The following SLC7A1 variants were observed in gnomAD, a reference collection of about 807,000 sequenced individuals.
SLC7A1 encodes the protein high affinity cationic amino acid transporter 1.
In SLC7A1, 10 loss-of-function variants were observed where a neutral mutation model predicts 53.9. The ratio of observed to expected loss-of-function variants is 0.19; its 90% CI spans 0.11 to 0.31. SLC7A1 has a LOEUF of 0.31. SLC7A1 is among the 10% of genes least tolerant of loss of function. The pLI is 1.00. For synonymous variants in SLC7A1, 342 were observed against 338.7 expected, an observed-to-expected ratio of 1.01 and a Z score of -0.11; for missense variants, 525 against 827.2, an observed-to-expected ratio of 0.63 and a Z score of 4.48.
At chr13:29,594,091 T>C (rs577545479) in intron 1 of SLC7A1, among the ~76,000 whole-genome samples, 2 of 152,324 alleles carry the variant, frequency 1.3e-5, no homozygotes, top group East Asian at 1.9e-4. Flanking sequence ...TGAGATCAAC[T>C]AAAAATACCA....
chr13:29,584,167 G>A (rs1871776261), intron 1 of SLC7A1, among the ~76,000 whole-genome samples: 1 of 150,350 alleles, frequency 6.7e-6, no homozygotes, highest in African/African-American at 2.4e-5. Flanking sequence ...AGGCTGGAGT[G>A]CAATGGCACG....
At chr13:29,594,593 A>G (rs1439442728) in intron 1 of SLC7A1, among the ~76,000 whole-genome samples, 1 of 152,210 alleles carries the variant, frequency 6.6e-6, no homozygotes, top group Non-Finnish European at 1.5e-5. Context: ...GAAGTTTTCT[A>G]CTACGCAGAA....
intron 8 of SLC7A1, among the ~76,000 whole-genome samples, chr13:29,520,291 A>T (rs1868574890): frequency 6.6e-6 from 1 of 152,034 alleles, no homozygotes; most frequent in African/African-American, 2.4e-5. Context: ...AGCCTTCCTG[A>T]GTGTACCCCA....
intron 1 of SLC7A1, among the ~76,000 whole-genome samples, chr13:29,566,714 A>G (rs1034503626): frequency 6.6e-6 from 1 of 152,186 alleles, no homozygotes; most frequent in African/African-American, 2.4e-5. Flanking sequence ...ATTTGCTAAA[A>G]ATCACTGAAT....
At chr13:29,556,252 C>T (rs1170776725) in intron 1 of SLC7A1, among the ~76,000 whole-genome samples, 1 of 152,040 alleles carries the variant, frequency 6.6e-6, no homozygotes, top group Non-Finnish European at 1.5e-5. Context: ...ACTCTTCTCA[C>T]TGATTTTTTT....
chr13:29,531,622 C>G (rs1478771421), intron 4 of SLC7A1, among the ~76,000 whole-genome samples: 1 of 152,186 alleles, frequency 6.6e-6, no homozygotes, highest in Non-Finnish European at 1.5e-5. Flanking sequence ...CTTTTGAGGT[C>G]AGGAGTTCCA....
At position 29,509,938 on chromosome 13, in the gene SLC7A1, T is replaced by C. The variant is rs542990178; in HGVS notation, c.*4542A>G. On this transcript the variant is annotated 3_prime_UTR_variant, in exon 13 of 13. Coordinates refer to ENST00000380752, the MANE Select transcript of SLC7A1 (RefSeq NM_003045.5). ...CAGGAAACTTATCATCTTAAATATA[T>C]ATTATAACTTCTCAAATGGGAAAAT... The C allele has an allele frequency of 1.3e-5, 2 of 152,696 alleles. No homozygotes were observed. Among genetic ancestry groups the C allele is most frequent in the Admixed American group, 1.3e-4 (2 of 15,294 alleles). 9.5% of individuals were successfully genotyped at this position (152,696 alleles called of 1,614,324 possible). A position where few individuals can be genotyped will look rare whatever the true frequency, so the allele number is the denominator to read the frequency against.
chr13:29,527,853 G>A (rs1046692916), intron 5 of SLC7A1, among the ~76,000 whole-genome samples: 16 of 152,188 alleles, frequency 1.1e-4, no homozygotes, highest in African/African-American at 2.9e-4. Context: ...ACACTCCCCT[G>A]TTCTTCTACG....
intron 1 of SLC7A1, among the ~76,000 whole-genome samples, chr13:29,555,520 G>A (rs1188832644): frequency 1.3e-5 from 2 of 151,812 alleles, no homozygotes; most frequent in Non-Finnish European, 2.9e-5. Flanking sequence ...GCTCTATCAT[G>A]TACCATGAGA....
chr13:29,552,876 C>T lies in SLC7A1; in HGVS notation c.-15+885G>A, dbSNP rs145482199. Reference sequence around the variant, plus strand: ...TGTGTTTCTTCAATTCCTCTAGCGCCGCTGGGTTAGGGTCTCCGACCAAGC... The same window carrying T: ...TGTGTTTCTTCAATTCCTCTAGCGCTGCTGGGTTAGGGTCTCCGACCAAGC... On this transcript the variant is annotated intron_variant, in intron 2 of 12. Transcript: ENST00000380752. Among the ~76,000 whole-genome samples the T allele has an allele frequency of 6.4e-3, 972 of 152,284 alleles. 6 individuals carry two copies. Among genetic ancestry groups the T allele is most frequent in the African/African-American group, 0.022 (911 of 41,554 alleles).
chr13:29,582,483 C>G (rs1430944181), intron 1 of SLC7A1, among the ~76,000 whole-genome samples: 2 of 152,314 alleles, frequency 1.3e-5, no homozygotes, highest in Middle Eastern at 3.4e-3. Context: ...TCATTTTGAG[C>G]ATCCACTTCC....
Position 29,510,297 on chromosome 13 carries a change from G to A in SLC7A1, c.*4183C>T, listed in dbSNP as rs1322860984. On this transcript the variant is annotated 3_prime_UTR_variant, in exon 13 of 13. Coordinates refer to ENST00000380752, the MANE Select transcript of SLC7A1 (RefSeq NM_003045.5). ...GGCTGGACTCGAGGAATCGAGGGGT[G>A]AAGATGGAGTCGGCTGACATTTTTT... 5.2e-5 allele frequency: 8 copies of A among 152,652 alleles called. No individual in the cohort carries two copies. Among genetic ancestry groups the A allele is most frequent in the African/African-American group, 1.7e-4 (7 of 41,452 alleles). 9.5% of individuals were successfully genotyped at this position (152,652 alleles called of 1,614,324 possible).
chr13:29,593,017 G>C (rs1030427142), intron 1 of SLC7A1, among the ~76,000 whole-genome samples: 3 of 152,280 alleles, frequency 2.0e-5, no homozygotes, highest in Admixed American at 2.0e-4. Context: ...AGAGGAGCCA[G>C]TAAAGCTAGG....
intron 3 of SLC7A1, 89 bp from the exon 4 acceptor site, chr13:29,533,071 C>T: frequency 2.3e-6 from 3 of 1,304,090 alleles, no homozygotes; most frequent in Non-Finnish European, 2.1e-6. Flanking sequence ...AACATCATTG[C>T]AGGAGTCACC....
intron 1 of SLC7A1, among the ~76,000 whole-genome samples, chr13:29,557,234 C>G (rs549229543): frequency 1.3e-5 from 2 of 152,164 alleles, no homozygotes; most frequent in African/African-American, 4.8e-5. Context: ...TCTTGATGGG[C>G]TTCCAGGGGT....
chr13:29,514,338 G>C lies in SLC7A1; in HGVS notation c.*142C>G. The C allele has an allele frequency of 1.6e-6, 1 of 634,312 alleles. No individual in the cohort carries two copies. The highest frequency in any genetic ancestry group is 2.8e-6 in the Non-Finnish European group (1 of 355,588). The allele number at this position is 634,312 out of a possible 1,614,324, so 39.3% of individuals were successfully genotyped here. Reference sequence around the variant, plus strand: ...AGCCGAGGGTGGGCTGGGGCTGCAGGTCAAGTAATTGCACCTTTGGCTGCA... The same window carrying C: ...AGCCGAGGGTGGGCTGGGGCTGCAGCTCAAGTAATTGCACCTTTGGCTGCA... On this transcript the variant is annotated 3_prime_UTR_variant, in exon 13 of 13. Coordinates refer to ENST00000380752, the MANE Select transcript of SLC7A1 (RefSeq NM_003045.5).
intron 1 of SLC7A1, among the ~76,000 whole-genome samples, chr13:29,559,768 T>C (rs866132541): frequency 1.3e-5 from 2 of 151,542 alleles, no homozygotes; most frequent in South Asian, 2.1e-4. Flanking sequence ...CAGGCTGGAG[T>C]GCAGTGGCGC....
chr13:29,516,291 T>A, intron 11 of SLC7A1, 45 bp from the exon 12 acceptor site: 1 of 1,228,858 alleles, frequency 8.1e-7, no homozygotes, highest in Non-Finnish European at 1.2e-6. Context: ...GTGGCGCCGG[T>A]TCCAATAGTT....
intron 1 of SLC7A1, among the ~76,000 whole-genome samples, chr13:29,557,328 G>A (rs1870481961): frequency 6.6e-6 from 1 of 152,146 alleles, no homozygotes; most frequent in Admixed American, 6.5e-5. Flanking sequence ...TGATAGGGAT[G>A]TGTTCTGAGA....
Sources: allele counts gnomAD v4.1 joint callset (sites outside exome capture counted in the v4.1 genomes callset), GRCh38; gene constraint gnomAD v4.1.1; transcripts MANE v1.5; gene names NCBI Gene and HGNC (gene_info 2026-07-23, HGNC 2026-07-21).